CAMKMT: variants seen among roughly 807,000 people sequenced by gnomAD.
The protein encoded by CAMKMT is CaM KMT.
CAMKMT carries 53 observed loss-of-function variants against 48.0 expected under a neutral mutation model. The observed-to-expected ratio is 1.10, with a 90% CI of 0.89 to 1.39. CAMKMT has a LOEUF of 1.39. Ranked by LOEUF, CAMKMT falls within the 40% of genes most tolerant of loss-of-function variation. CAMKMT has a pLI of 0.00. For synonymous variants in CAMKMT, 165 were observed against 152.3 expected (o/e 1.08, Z -0.61); for missense variants, 428 against 402.7 (o/e 1.06, Z -0.54).
intron 2 of CAMKMT, among the ~76,000 whole-genome samples, chr2:44,377,356 A>T (rs1237787092): frequency 2.6e-5 from 4 of 152,118 alleles, no homozygotes; most frequent in Non-Finnish European, 5.9e-5. Flanking sequence ...TTGTTATTAG[A>T]TAGATGCAAG....
At chr2:44,447,137 A>G (rs932091924) in intron 3 of CAMKMT, among the ~76,000 whole-genome samples, 1 of 152,152 alleles carries the variant, frequency 6.6e-6, no homozygotes. Context: ...GCATCTGTAT[A>G]TTGCTTTGTG....
intron 2 of CAMKMT, among the ~76,000 whole-genome samples, 161 bp from the exon 3 acceptor site, chr2:44,390,080 C>T (rs2104412847): frequency 6.6e-6 from 1 of 152,246 alleles, no homozygotes; most frequent in Admixed American, 6.5e-5. Flanking sequence ...TTATTTCTTT[C>T]CTTCTCCCTC....
At chr2:44,771,908 C>T in intron 10 of CAMKMT, 128 bp from the exon 11 acceptor site, 9 of 534,706 alleles carry the variant, frequency 1.7e-5, no homozygotes, top group Middle Eastern at 5.7e-4. Flanking sequence ...AGTTGCTTTT[C>T]TGTGATTTAT....
intron 3 of CAMKMT, among the ~76,000 whole-genome samples, chr2:44,647,425 C>A (rs1455011833): frequency 6.6e-6 from 1 of 152,106 alleles, no homozygotes. Context: ...CAATCACCAA[C>A]AGACTTAAAA....
intron 9 of CAMKMT, among the ~76,000 whole-genome samples, chr2:44,760,936 G>A (rs1312554696): frequency 6.6e-6 from 1 of 152,180 alleles, no homozygotes; most frequent in Admixed American, 6.5e-5. Context: ...AACATTTATT[G>A]AGTGCCTCTC....
At chr2:44,386,257 A>T (rs968384962) in intron 2 of CAMKMT, among the ~76,000 whole-genome samples, 1 of 151,862 alleles carries the variant, frequency 6.6e-6, no homozygotes, top group African/African-American at 2.4e-5. Flanking sequence ...TAGGAGGGTT[A>T]TATTTTTCCA....
chr2:44,394,958 A>T, intron 3 of CAMKMT: 9 of 455,286 alleles, frequency 2.0e-5, no homozygotes, highest in South Asian at 1.4e-4. Context: ...CAAGAATTTG[A>T]GGCAAGCCTG....
At chr2:44,768,688 G>T (rs111525214) in intron 10 of CAMKMT, among the ~76,000 whole-genome samples, 18 of 152,302 alleles carry the variant, frequency 1.2e-4, no homozygotes, top group African/African-American at 4.3e-4. Context: ...GCTCCGGGAC[G>T]CGGCCGCCGG....
chr2:44,383,794 G>A (rs957138589), intron 2 of CAMKMT, among the ~76,000 whole-genome samples: 4 of 152,126 alleles, frequency 2.6e-5, no homozygotes, highest in African/African-American at 9.7e-5. Flanking sequence ...CCAGGTCACT[G>A]CAAATGCCCT....
In CAMKMT at chr2:44,438,421, C is replaced by T. The variant is rs575726075; in HGVS notation, c.376+48116C>T. 2.7e-3 allele frequency among the ~76,000 whole-genome samples: 408 copies of T among 152,216 alleles called. 1 individual carries two copies. The highest frequency in any genetic ancestry group is 9.3e-3 in the African/African-American group (388 of 41,522). On this transcript the variant is annotated intron_variant, in intron 3 of 10. Transcript: ENST00000378494. Reference sequence around the variant, plus strand: ...TTTCATGGTTATATAAAAGCTATAACTTTGAGGAAGTTTTACTTGTTTTTG... The same window carrying T: ...TTTCATGGTTATATAAAAGCTATAATTTTGAGGAAGTTTTACTTGTTTTTG...
chr2:44,516,739 A>ATTTTTT (rs749089273), intron 3 of CAMKMT, among the ~76,000 whole-genome samples: 2 of 133,110 alleles, frequency 1.5e-5, no homozygotes, highest in African/African-American at 2.9e-5. Flanking sequence ...GTTTCTTGAG[A>ATTTTTT]TTTTTTTTTT....
intron 3 of CAMKMT, among the ~76,000 whole-genome samples, chr2:44,415,456 G>A (rs952947286): frequency 1.1e-4 from 16 of 152,236 alleles, no homozygotes; most frequent in East Asian, 9.6e-4. Flanking sequence ...ATGTTAATTC[G>A]TTATTTCCAC....
chr2:44,697,311 C>G (rs1677008150), intron 3 of CAMKMT, among the ~76,000 whole-genome samples: 1 of 151,870 alleles, frequency 6.6e-6, no homozygotes, highest in Non-Finnish European at 1.5e-5. Flanking sequence ...GTAGAGGAAA[C>G]AAGAGATGGA....
intron 2 of CAMKMT, among the ~76,000 whole-genome samples, chr2:44,376,401 C>G (rs1033413200): frequency 7.0e-6 from 1 of 143,558 alleles, no homozygotes; most frequent in Non-Finnish European, 1.5e-5. Context: ...AGCCTGGTGA[C>G]GAAGTGAGAC....
rs190069885 is a variant in CAMKMT, at chr2:44,453,886, C to G, written c.376+63581C>G. Among the ~76,000 whole-genome samples the G allele has an allele frequency of 5.0e-3, 755 of 152,004 alleles. 3 individuals are homozygous for G. The highest frequency in any genetic ancestry group is 0.018 in the African/African-American group (727 of 41,482). ...GTGTTTTTCTATGCTGCTTTTTAGTCTTTCAGAGTTTAAAACAAGTAGTTT... is the reference window on the plus strand; with the variant it reads ...GTGTTTTTCTATGCTGCTTTTTAGTGTTTCAGAGTTTAAAACAAGTAGTTT... On this transcript the variant is annotated intron_variant, in intron 3 of 10. Coordinates refer to ENST00000378494, the MANE Select transcript of CAMKMT (RefSeq NM_024766.5).
At chr2:44,366,718 G>GTTATTATTATTA (rs71393267) in intron 1 of CAMKMT, among the ~76,000 whole-genome samples, 11,618 of 150,068 alleles carry the variant, frequency 0.077, 594 homozygotes, top group Non-Finnish European at 0.12. Flanking sequence ...AGCAGCTATT[G>GTTATTATTATTA]TTATTATTAT....
intron 8 of CAMKMT, among the ~76,000 whole-genome samples, chr2:44,747,382 G>T (rs188076085): frequency 6.6e-6 from 1 of 152,158 alleles, no homozygotes. Context: ...CACAACTCAC[G>T]GAAGTTTACA....
chr2:44,759,805 A>C (rs941359343), intron 9 of CAMKMT, among the ~76,000 whole-genome samples: 1 of 152,232 alleles, frequency 6.6e-6, no homozygotes, highest in Non-Finnish European at 1.5e-5. Flanking sequence ...CTTAGCAGAG[A>C]ATACCAAGAC....
intron 3 of CAMKMT, among the ~76,000 whole-genome samples, chr2:44,390,655 G>C (rs1253517660): frequency 1.3e-5 from 2 of 151,902 alleles, no homozygotes; most frequent in East Asian, 3.9e-4. Flanking sequence ...TCAGTAGTGG[G>C]GCTGTTTCTT....
Sources: gnomAD v4.1 joint callset for allele counts (sites outside exome capture counted in the v4.1 genomes callset) on GRCh38, gnomAD v4.1.1 for gene constraint, MANE v1.5 for transcripts, NCBI Gene and HGNC (gene_info 2026-07-23, HGNC 2026-07-21) for gene names.